The following SCML4 variants were observed in gnomAD, a reference collection of about 807,000 sequenced individuals.
The protein encoded by SCML4 is Scm polycomb group protein like 4, also known as sex comb on midleg-like protein 4.
SCML4 carries 34 observed loss-of-function variants against 41.1 expected under a neutral mutation model. That is an observed-to-expected ratio of 0.83 (90% CI 0.63 to 1.10). SCML4 has a LOEUF of 1.10. SCML4 is among the 50% of genes least tolerant of loss of function. The pLI is 0.00. For missense variants in SCML4, 522 were observed against 534.1 expected, an observed-to-expected ratio of 0.98 and a Z score of 0.22; for synonymous variants, 214 against 220.9, an observed-to-expected ratio of 0.97 and a Z score of 0.28.
intron 5 of SCML4, among the ~76,000 whole-genome samples, chr6:107,727,471 C>T (rs574757229): frequency 1.3e-5 from 2 of 152,304 alleles, no homozygotes; most frequent in African/African-American, 2.4e-5. Flanking sequence ...TCAGATGAGG[C>T]TATGAACATA....
chr6:107,708,859 T>C (rs545785202), intron 6 of SCML4, among the ~76,000 whole-genome samples: 2 of 152,312 alleles, frequency 1.3e-5, no homozygotes, highest in South Asian at 4.1e-4. Flanking sequence ...TATTTAGGGT[T>C]GATTTTTTGT....
chr6:107,755,517 CT>C (rs1779030172), intron 2 of SCML4: 1 of 901,186 alleles, frequency 1.1e-6, no homozygotes, highest in African/African-American at 1.8e-5. Flanking sequence ...TATGAGCCCA[CT>C]GGCTAGAAGC....
At position 107,807,603 on chromosome 6, in the gene SCML4, C is replaced by T. The variant is rs79405142; in HGVS notation, c.-60+16523G>A. Among the ~76,000 whole-genome samples, 797 of 152,332 alleles carry T rather than the reference C, an allele frequency of 5.2e-3. 3 individuals carry two copies. The highest frequency in any genetic ancestry group is 9.1e-3 in the Non-Finnish European group (622 of 68,036). The stretch of plus-strand genomic sequence containing the variant: ...ACAAATTAACAAAACGCTGGGTCAG[C>T]CTTTCTGGTCCCATTACAATGTTAT... On this transcript the variant is annotated intron_variant, in intron 1 of 7. Transcript: ENST00000369020.
chr6:107,719,864 T>C (rs1775194932), intron 6 of SCML4: 1 of 982,740 alleles, frequency 1.0e-6, no homozygotes, highest in South Asian at 4.7e-5. Flanking sequence ...GATTATCCAC[T>C]ATACTCTATG....
chr6:107,841,398 C>T, the SCML4 span, among the ~76,000 whole-genome samples: 1 of 152,216 alleles, frequency 6.6e-6, no homozygotes, highest in African/African-American at 2.4e-5. Context: ...CGGCCAAGTA[C>T]CACTTATCCA....
intron 1 of SCML4, among the ~76,000 whole-genome samples, chr6:107,782,627 T>C (rs1781596321): frequency 1.3e-5 from 2 of 152,200 alleles, no homozygotes; most frequent in African/African-American, 4.8e-5. Context: ...TGGATAAGTT[T>C]GCCTGATGGC....
chr6:107,745,342 C>T (rs1217602895), intron 4 of SCML4, 199 bp from the exon 5 acceptor site: 4 of 527,616 alleles, frequency 7.6e-6, no homozygotes, highest in Non-Finnish European at 1.3e-5. Flanking sequence ...TTAGTTGTCA[C>T]GTCTCCTTCG....
At chr6:107,784,368 A>C (rs1351439275) in intron 1 of SCML4, among the ~76,000 whole-genome samples, 3 of 152,222 alleles carry the variant, frequency 2.0e-5, no homozygotes, top group Non-Finnish European at 4.4e-5. Context: ...ATCATGGATA[A>C]AAGAAATGAG....
the SCML4 span, among the ~76,000 whole-genome samples, chr6:107,835,382 T>A: frequency 1.3e-5 from 2 of 149,906 alleles, no homozygotes; most frequent in South Asian, 4.2e-4. Context: ...AATAAATAAT[T>A]TAAAAATGAA....
In SCML4 at chr6:107,747,224, A is replaced by G. The variant is rs116845045; in HGVS notation, c.287-335T>C. Reference sequence around the variant, plus strand: ...AAAAAGGTATTTCCATGCTGGGAAAATGTACATACAAAACTTCTTCTCCCT... The same window carrying G: ...AAAAAGGTATTTCCATGCTGGGAAAGTGTACATACAAAACTTCTTCTCCCT... On this transcript the variant is annotated intron_variant, in intron 3 of 7. Coordinates refer to ENST00000369020, the MANE Select transcript of SCML4 (RefSeq NM_198081.5). Among the ~76,000 whole-genome samples the G allele has an allele frequency of 4.3e-3, 660 of 152,318 alleles. 11 individuals are homozygous for G. In the East Asian group the frequency reaches 0.064, roughly 15 times the overall value.
chr6:107,744,470 C>T (rs1327788182), intron 5 of SCML4, among the ~76,000 whole-genome samples: 1 of 152,212 alleles, frequency 6.6e-6, no homozygotes. Context: ...ATAATAGACA[C>T]TTTGTTGCAC....
At chr6:107,789,291 G>C (rs554348000) in intron 1 of SCML4, among the ~76,000 whole-genome samples, 48 of 152,314 alleles carry the variant, frequency 3.2e-4, no homozygotes, top group African/African-American at 1.1e-3. Context: ...GCACAGGGAC[G>C]TGAAGATGAA....
upstream of SCML4, among the ~76,000 whole-genome samples, chr6:107,825,916 G>C (rs1240852154): frequency 8.8e-6 from 1 of 113,518 alleles, no homozygotes; most frequent in Non-Finnish European, 1.7e-5. Flanking sequence ...CAGCCTGGGT[G>C]ACAGAGCGAG....
intron 1 of SCML4, among the ~76,000 whole-genome samples, chr6:107,821,539 G>A (rs1192513637): frequency 6.6e-6 from 1 of 152,186 alleles, no homozygotes; most frequent in African/African-American, 2.4e-5. Flanking sequence ...ATGATAATCA[G>A]ATTAAAAGAG....
chr6:107,746,981 C>G, intron 3 of SCML4, 92 bp from the exon 4 acceptor site: 1 of 1,056,044 alleles, frequency 9.5e-7, no homozygotes, highest in Non-Finnish European at 1.4e-6. Flanking sequence ...CTCAGCCATG[C>G]CCCTTTGGCC....
chr6:107,832,504 T>A, the SCML4 span, among the ~76,000 whole-genome samples: 1 of 152,256 alleles, frequency 6.6e-6, no homozygotes, highest in African/African-American at 2.4e-5. Context: ...CTGGCTAACA[T>A]CCCTCCATCT....
At chr6:107,809,362 A>G (rs1783984836) in intron 1 of SCML4, among the ~76,000 whole-genome samples, 1 of 152,242 alleles carries the variant, frequency 6.6e-6, no homozygotes, top group Non-Finnish European at 1.5e-5. Context: ...TCAGAACTGC[A>G]TCTTATAAAG....
chr6:107,780,579 CATCTGT>C lies in SCML4; in HGVS notation c.-59-8199_-59-8194del, dbSNP rs756265405. Among the ~76,000 whole-genome samples the C allele has an allele frequency of 6.6e-5, 10 of 152,034 alleles. No homozygotes were observed. In the South Asian group the frequency reaches 1.0e-3, roughly 16 times the overall value. Reference sequence around the variant, plus strand: ...AAAATTAGCCTAGCGTGGTGGCACACATCTGTGGTCCCAGCGACTTGGGAGGCTAAG... The same window carrying C: ...AAAATTAGCCTAGCGTGGTGGCACACGGTCCCAGCGACTTGGGAGGCTAAG... On this transcript the variant is annotated intron_variant, in intron 1 of 7. Transcript: ENST00000369020.
intron 6 of SCML4, among the ~76,000 whole-genome samples, chr6:107,712,591 G>C (rs573755179): frequency 1.3e-5 from 2 of 152,150 alleles, no homozygotes; most frequent in African/African-American, 4.8e-5. Flanking sequence ...TGGCTCGGGC[G>C]TGTTTCTTAG....
Sources: allele counts gnomAD v4.1 joint callset (sites outside exome capture counted in the v4.1 genomes callset), GRCh38; gene constraint gnomAD v4.1.1; transcripts MANE v1.5; gene names NCBI Gene and HGNC (gene_info 2026-07-23, HGNC 2026-07-21).